Variants in FARP1 observed in about 807,000 individuals in gnomAD.
The protein encoded by FARP1 is FERM, ARH/RhoGEF and pleckstrin domain protein 1.
FARP1 carries 52 observed loss-of-function variants against 128.8 expected under a neutral mutation model. That is an observed-to-expected ratio of 0.40 (90% CI 0.32 to 0.51). The LOEUF is 0.51. Ranked by LOEUF, FARP1 falls within the 20% of genes least tolerant of loss-of-function variation. FARP1 has a pLI of 0.45. For synonymous variants in FARP1, 580 were observed against 551.8 expected, an observed-to-expected ratio of 1.05 and a Z score of -0.72; for missense variants, 1,333 against 1,367.9, an observed-to-expected ratio of 0.97 and a Z score of 0.40.
At chr13:98,269,427 C>T (rs1350579181) in intron 2 of FARP1, among the ~76,000 whole-genome samples, 1 of 152,220 alleles carries the variant, frequency 6.6e-6, no homozygotes, top group Non-Finnish European at 1.5e-5. Flanking sequence ...GAGGCCCTCC[C>T]CGCCAAGATG....
intron 2 of FARP1, among the ~76,000 whole-genome samples, chr13:98,275,231 A>T (rs1884580017): frequency 6.6e-6 from 1 of 152,068 alleles, no homozygotes; most frequent in East Asian, 1.9e-4. Flanking sequence ...ATGAATTCAG[A>T]TTCCTTTTCA....
chr13:98,362,915 A>C (rs2139955282), intron 3 of FARP1, among the ~76,000 whole-genome samples: 1 of 152,146 alleles, frequency 6.6e-6, no homozygotes, highest in African/African-American at 2.4e-5. Flanking sequence ...AGTGCATTCC[A>C]CTGGTTGTTA....
chr13:98,181,184 A>G (rs999880645), intron 1 of FARP1, among the ~76,000 whole-genome samples: 1 of 152,140 alleles, frequency 6.6e-6, no homozygotes, highest in African/African-American at 2.4e-5. Flanking sequence ...GTTTAGGTCC[A>G]CACATGCCTA....
At chr13:98,371,881 C>T (rs1208840131) in intron 5 of FARP1, among the ~76,000 whole-genome samples, 1 of 152,062 alleles carries the variant, frequency 6.6e-6, no homozygotes, top group Middle Eastern at 3.2e-3. Context: ...CTTTCAGCTT[C>T]CCATTGATAT....
chr13:98,163,030 A>G (rs1220235698), intron 1 of FARP1, among the ~76,000 whole-genome samples: 1 of 152,220 alleles, frequency 6.6e-6, no homozygotes, highest in Non-Finnish European at 1.5e-5. Flanking sequence ...GTGAATGTTC[A>G]TTGCAGCACC....
intron 24 of FARP1, among the ~76,000 whole-genome samples, chr13:98,441,977 T>C (rs1892542806): frequency 6.6e-6 from 1 of 152,230 alleles, no homozygotes; most frequent in Admixed American, 6.5e-5. Context: ...TAGCTGTGTT[T>C]CAGAACACTT....
intron 6 of FARP1, among the ~76,000 whole-genome samples, 161 bp downstream of exon 6, chr13:98,378,079 C>G (rs1889669982): frequency 6.6e-6 from 1 of 152,174 alleles, no homozygotes; most frequent in African/African-American, 2.4e-5. Context: ...AAACAATACT[C>G]CTGATGTCAT....
chr13:98,175,627 A>G (rs1455006027), intron 1 of FARP1, among the ~76,000 whole-genome samples: 3 of 152,026 alleles, frequency 2.0e-5, no homozygotes, highest in Non-Finnish European at 2.9e-5. Context: ...ACAGAGCTTT[A>G]TAACTTTTTC....
In FARP1 at chr13:98,446,680, T is replaced by G; in HGVS notation, c.2919T>G (p.Leu973=). The part of the protein sequence containing the change: ...FYKSHQDNHP[L]ASLPLLGYSL... ...CCCCTTTCCAGGACAATCATCCCCT[T>G]GCCAGCCTGCCTCTGCTCGGCTACT... The change falls in exon 26 of 27, where the codon CTT becomes CTG. Residue 973 remains leucine (L), a synonymous_variant. Coordinates refer to ENST00000319562, the MANE Select transcript of FARP1 (RefSeq NM_005766.4). The G allele has an allele frequency of 6.2e-7, 1 of 1,614,136 alleles. No individual in the cohort carries two copies. The highest frequency in any genetic ancestry group is 8.5e-7 in the Non-Finnish European group (1 of 1,180,010).
At position 98,261,386 on chromosome 13, in the gene FARP1, C is replaced by T. The variant is rs576132788; in HGVS notation, c.171+47973C>T. Among the ~76,000 whole-genome samples the T allele has an allele frequency of 4.6e-5, 7 of 152,282 alleles. No homozygotes were observed. The South Asian group carries it at 6.2e-4, about 14-fold the overall frequency. On this transcript the variant is annotated intron_variant, in intron 2 of 26. Transcript: ENST00000319562. The stretch of plus-strand genomic sequence containing the variant: ...CCTTCCAGAAGGACATCCGGGTGTC[C>T]GTTCACCTTGACCTCCCATTGGATG...
At chr13:98,158,140 ACTT>A (rs1286142057) in intron 1 of FARP1, among the ~76,000 whole-genome samples, 1 of 152,086 alleles carries the variant, frequency 6.6e-6, no homozygotes, top group Non-Finnish European at 1.5e-5. Flanking sequence ...TCTGCTTTGA[ACTT>A]CTCTGTATTT....
At chr13:98,322,558 C>G (rs1255219305) in intron 2 of FARP1, among the ~76,000 whole-genome samples, 2 of 84,778 alleles carry the variant, frequency 2.4e-5, no homozygotes, top group Non-Finnish European at 5.9e-5. Flanking sequence ...GCTCCTTAGC[C>G]GTCAGTGCTC....
rs147540310 is a variant in FARP1 at position 98,321,786 on chromosome 13, A to C, written c.172-21976A>C. Among the ~76,000 whole-genome samples, 28 of 152,372 alleles carry C rather than the reference A, an allele frequency of 1.8e-4. No homozygotes were observed. In the East Asian group the frequency reaches 5.4e-3, roughly 29 times the overall value. On this transcript the variant is annotated intron_variant, in intron 2 of 26. Transcript: ENST00000319562. Reference sequence around the variant, plus strand: ...GCATTGTTATTTGGAAATTTTATGGAATAGAAAAATGTTTGATAATATTAA... The same window carrying C: ...GCATTGTTATTTGGAAATTTTATGGCATAGAAAAATGTTTGATAATATTAA...
At chr13:98,403,375 A>G (rs1275219045) in intron 13 of FARP1, 1 of 152,266 alleles carries the variant, frequency 6.6e-6, no homozygotes, top group Non-Finnish European at 1.5e-5. Flanking sequence ...AACAGAACGC[A>G]TCTGTGACTG....
chr13:98,342,555 C>T (rs1173708782), intron 2 of FARP1, among the ~76,000 whole-genome samples: 2 of 150,568 alleles, frequency 1.3e-5, no homozygotes, highest in East Asian at 4.0e-4. Flanking sequence ...CAAAAATTAG[C>T]GGGGCATGGT....
intron 2 of FARP1, among the ~76,000 whole-genome samples, chr13:98,288,861 C>G (rs775073574): frequency 6.6e-6 from 1 of 151,674 alleles, no homozygotes; most frequent in African/African-American, 2.4e-5. Context: ...TGCTTTTTTT[C>G]TATTACATAA....
chr13:98,152,199 T>G (rs1244116742), intron 1 of FARP1, among the ~76,000 whole-genome samples: 1 of 152,174 alleles, frequency 6.6e-6, no homozygotes, highest in Non-Finnish European at 1.5e-5. Flanking sequence ...GGCATGTTGA[T>G]TTTTGCACTT....
intron 2 of FARP1, among the ~76,000 whole-genome samples, chr13:98,266,772 G>T (rs1222148472): frequency 6.6e-6 from 1 of 152,168 alleles, no homozygotes; most frequent in Non-Finnish European, 1.5e-5. Context: ...AGCATTTTGG[G>T]AGGCAGAGGT....
At position 98,205,032 on chromosome 13, in the gene FARP1, T is replaced by C. The variant is rs532676009; in HGVS notation, c.-23-8188T>C. Among the ~76,000 whole-genome samples the C allele has an allele frequency of 4.6e-5, 7 of 152,320 alleles. No individual in the cohort carries two copies. In the South Asian group the frequency reaches 8.3e-4, roughly 18 times the overall value. Reference sequence around the variant, plus strand: ...AAGTTTTGATTCTGTTACAATTCTTTGAGGATGTTTTTGGCATTTAAGCCT... The same window carrying C: ...AAGTTTTGATTCTGTTACAATTCTTCGAGGATGTTTTTGGCATTTAAGCCT... On this transcript the variant is annotated intron_variant, in intron 1 of 26. Transcript: ENST00000319562.
Sources: gnomAD v4.1 joint callset for allele counts (sites outside exome capture counted in the v4.1 genomes callset) on GRCh38, gnomAD v4.1.1 for gene constraint, MANE v1.5 for transcripts, NCBI Gene and HGNC (gene_info 2026-07-23, HGNC 2026-07-21) for gene names.